NXPE2: variants seen among roughly 807,000 people sequenced by gnomAD.
NXPE2 encodes NXPE family member 2.
Under a neutral mutation model 34.4 loss-of-function variants are expected in NXPE2, and 34 were observed. That is an observed-to-expected ratio of 0.99 (90% CI 0.75 to 1.31). The LOEUF is 1.31. Among genes scored for constraint, NXPE2 ranks in the 40% most tolerant of loss-of-function variants. NXPE2 has a pLI of 0.00. For synonymous variants in NXPE2, 235 were observed against 231.3 expected, an observed-to-expected ratio of 1.02 and a Z score of -0.15; for missense variants, 649 against 672.5, an observed-to-expected ratio of 0.97 and a Z score of 0.39.
chr11:114,497,799 TTA>T, the NXPE2 span, among the ~76,000 whole-genome samples: 1 of 152,334 alleles, frequency 6.6e-6, no homozygotes, highest in East Asian at 1.9e-4. Flanking sequence ...TTAAAATAAT[TTA>T]TGTCAGTTAT....
At chr11:114,585,541 TTATG>T in the NXPE2 span, among the ~76,000 whole-genome samples, 21 of 152,196 alleles carry the variant, frequency 1.4e-4, no homozygotes, top group South Asian at 2.5e-3. Context: ...AAGAAGGTCA[TTATG>T]TAATAATAAA....
chr11:114,799,833 G>A, the NXPE2 span, among the ~76,000 whole-genome samples: 402 of 152,076 alleles, frequency 2.6e-3, 1 homozygote, highest in African/African-American at 8.3e-3. Flanking sequence ...CATGACCGGC[G>A]GTGTTAACAG....
At chr11:114,570,889 T>C in the NXPE2 span, 2 of 1,339,644 alleles carry the variant, frequency 1.5e-6, no homozygotes, top group South Asian at 2.9e-5. Context: ...TAGTAGACAG[T>C]CAATAAATTT....
the NXPE2 span, among the ~76,000 whole-genome samples, chr11:114,745,619 G>A: frequency 6.6e-6 from 1 of 152,104 alleles, no homozygotes; most frequent in Non-Finnish European, 1.5e-5. Context: ...TTCCAGGTAA[G>A]CTATGTTTCT....
chr11:114,769,200 T>C, the NXPE2 span, among the ~76,000 whole-genome samples: 1 of 150,384 alleles, frequency 6.6e-6, no homozygotes. Flanking sequence ...AACAAACATA[T>C]GAAAAAAAAA....
At chr11:114,697,224 A>T (rs936245653) in intron 2 of NXPE2, among the ~76,000 whole-genome samples, 1 of 152,146 alleles carries the variant, frequency 6.6e-6, no homozygotes, top group Non-Finnish European at 1.5e-5. Flanking sequence ...ATTAAGGGGG[A>T]TCCTAAATCC....
intron 3 of NXPE2, among the ~76,000 whole-genome samples, chr11:114,699,455 A>G (rs1951324526): frequency 6.6e-6 from 1 of 151,884 alleles, no homozygotes; most frequent in South Asian, 2.1e-4. Flanking sequence ...TGAAATTTAA[A>G]CTCTTTAATA....
chr11:114,809,400 A>G, the NXPE2 span, among the ~76,000 whole-genome samples: 3 of 151,666 alleles, frequency 2.0e-5, no homozygotes, highest in East Asian at 1.9e-4. Context: ...GAGGAAGTCA[A>G]ATTGTCCCTG....
the NXPE2 span, among the ~76,000 whole-genome samples, chr11:114,488,778 C>T: frequency 6.6e-6 from 1 of 152,074 alleles, no homozygotes; most frequent in Non-Finnish European, 1.5e-5. Context: ...AATTGACACC[C>T]TAACATCACA....
At chr11:114,465,054 ATG>A in the NXPE2 span, among the ~76,000 whole-genome samples, 2 of 152,194 alleles carry the variant, frequency 1.3e-5, no homozygotes, top group African/African-American at 4.8e-5. Context: ...GGGGTTAAGA[ATG>A]TGAGTCTTAA....
At chr11:114,610,871 G>GA in the NXPE2 span, among the ~76,000 whole-genome samples, 1 of 151,790 alleles carries the variant, frequency 6.6e-6, no homozygotes, top group Non-Finnish European at 1.5e-5. Flanking sequence ...TTCCCCGGGG[G>GA]AAAATAAGCA....
chr11:114,465,366 A>G, the NXPE2 span, among the ~76,000 whole-genome samples: 1 of 152,322 alleles, frequency 6.6e-6, no homozygotes, highest in South Asian at 2.1e-4. Context: ...TTTACAGACA[A>G]TTGTGCAAAA....
At chr11:114,582,204 C>T in the NXPE2 span, 4 of 1,419,398 alleles carry the variant, frequency 2.8e-6, no homozygotes, top group African/African-American at 2.9e-5. Flanking sequence ...AAAATTAATA[C>T]ACTCACAAGA....
At chr11:114,774,679 G>A in the NXPE2 span, among the ~76,000 whole-genome samples, 1 of 152,164 alleles carries the variant, frequency 6.6e-6, no homozygotes, top group South Asian at 2.1e-4. Context: ...GCTCCCTGGA[G>A]GTCAGCCTCA....
the NXPE2 span, among the ~76,000 whole-genome samples, chr11:114,799,175 TAGAGA>T: frequency 2.0e-5 from 3 of 151,592 alleles, no homozygotes; most frequent in African/African-American, 7.3e-5. Flanking sequence ...TTCCTATTGA[TAGAGA>T]AGAGAAAATA....
the NXPE2 span, among the ~76,000 whole-genome samples, chr11:114,745,462 G>A: frequency 6.6e-6 from 1 of 152,182 alleles, no homozygotes; most frequent in Non-Finnish European, 1.5e-5. Flanking sequence ...AGCCATTAAT[G>A]AAGAATCTGG....
the NXPE2 span, among the ~76,000 whole-genome samples, chr11:114,575,414 C>T: frequency 2.0e-5 from 3 of 151,914 alleles, no homozygotes; most frequent in African/African-American, 7.2e-5. Context: ...TGCTGTGGCT[C>T]ATGATATGAT....
chr11:114,684,196 G>T (rs1951000203), intron 2 of NXPE2, among the ~76,000 whole-genome samples: 1 of 152,154 alleles, frequency 6.6e-6, no homozygotes, highest in Admixed American at 6.5e-5. Flanking sequence ...GGGAGGCCGA[G>T]GCGGGCAGAT....
chr11:114,687,870 T>C (rs563234815), intron 2 of NXPE2, among the ~76,000 whole-genome samples: 4 of 152,088 alleles, frequency 2.6e-5, no homozygotes, highest in Non-Finnish European at 5.9e-5. Context: ...TAGGATTGGA[T>C]TCTTAATAGT....
Sources: gnomAD v4.1 joint callset for allele counts (sites outside exome capture counted in the v4.1 genomes callset) on GRCh38, gnomAD v4.1.1 for gene constraint, MANE v1.5 for transcripts, NCBI Gene and HGNC (gene_info 2026-07-23, HGNC 2026-07-21) for gene names.